The following KNDC1 variants were observed in gnomAD, a reference collection of about 807,000 sequenced individuals.
The protein encoded by KNDC1 is kinase non-catalytic C-lobe domain-containing protein 1.
A neutral mutation model predicts 172.8 loss-of-function variants in KNDC1; 106 were observed. The observed-to-expected ratio is 0.61, with a 90% CI of 0.52 to 0.72. KNDC1 has a LOEUF of 0.72. Ranked by LOEUF, KNDC1 falls within the 30% of genes least tolerant of loss-of-function variation. The pLI, the probability that KNDC1 is intolerant of heterozygous loss-of-function variation, is 0.00. For missense variants in KNDC1, 2,325 were observed against 2,394.5 expected (o/e 0.97, Z 0.61); for synonymous variants, 1,083 against 1,062.2 (o/e 1.02, Z -0.38).
Position 133,198,354 on chromosome 10 carries a change from A to T in KNDC1, c.1924A>T (p.Ser642Cys). The T allele has an allele frequency of 6.3e-7, 1 of 1,587,286 alleles. No homozygotes were observed. Among genetic ancestry groups the T allele is most frequent in the Non-Finnish European group, 8.6e-7 (1 of 1,167,816 alleles). The change falls in exon 13 of 30, where the codon AGC becomes TGC. Residue 642 changes from serine to cysteine, a missense_variant. Coordinates refer to ENST00000304613, the MANE Select transcript of KNDC1 (RefSeq NM_152643.8). ...EPSPGFLPVN[S>C]DTGLVAVPGP... ...CTCCCCAGGCTTCCTGCCGGTGAAC[A>T]GCGACACCGGGCTTGTGGCTGTGCC...
chr10:133,196,980 A>T, intron 10 of KNDC1, 78 bp from the exon 11 acceptor site: 1 of 1,180,394 alleles, frequency 8.5e-7, no homozygotes, highest in Non-Finnish European at 1.3e-6. Flanking sequence ...GCTTTTTCAG[A>T]TGGGGACCCA....
At chr10:133,167,143 C>T (rs939532609) in intron 1 of KNDC1, 2 of 559,816 alleles carry the variant, frequency 3.6e-6, no homozygotes, top group Admixed American at 3.1e-5. Flanking sequence ...CTCCAGGAGC[C>T]GACACCTGCT....
At position 133,167,544 on chromosome 10, in the gene KNDC1, C is replaced by A; in HGVS notation, c.266C>A (p.Thr89Asn). ...CITPDTLAFNTSGNVCFMEQL... is the reference protein window; with the variant it reads ...CITPDTLAFNNSGNVCFMEQL... ...ACGCCCGACACCCTGGCCTTCAACA[C>A]CAGCGGGAACGTGTGTTTCATGGAG... is the stretch of plus-strand genomic sequence containing the variant. Residue 89 changes from threonine to asparagine, a missense_variant, in exon 2 of 30, where the codon ACC (threonine) becomes AAC (asparagine). Transcript: ENST00000304613. 1 of 1,602,204 alleles carries A rather than the reference C, an allele frequency of 6.2e-7. No homozygotes were observed. The highest frequency in any genetic ancestry group is 8.5e-7 in the Non-Finnish European group (1 of 1,174,810).
Position 133,212,738 on chromosome 10 carries a change from G to A in KNDC1, c.4259G>A (p.Arg1420Gln), listed in dbSNP as rs1026659510. 45 of 1,613,092 alleles carry A rather than the reference G, an allele frequency of 2.8e-5. No homozygotes were observed. The highest frequency in any genetic ancestry group is 3.5e-5 in the Non-Finnish European group (41 of 1,179,768). The stretch of plus-strand genomic sequence containing the variant: ...CAGAGCTTCCCCTGGAGGCTGCCCC[G>A]AGGCAACGGGCTGGTGCTGCCGCCA... ...SRKSFPWRLP[R>Q]GNGLVLPPHK... The change falls in exon 24 of 30, where the codon CGA (arginine) becomes CAA (glutamine). Residue 1420 changes from arginine (R) to glutamine (Q), a missense_variant. Transcript: ENST00000304613.
At chr10:133,187,626 A>AGGGCACACGG (rs1313070618) in intron 6 of KNDC1, among the ~76,000 whole-genome samples, 1 of 152,120 alleles carries the variant, frequency 6.6e-6, no homozygotes, top group African/African-American at 2.4e-5. Flanking sequence ...ACCTTCCCGA[A>AGGGCACACGG]GGGCACACGG....
At chr10:133,177,821 G>A (rs1853590856) in intron 3 of KNDC1, among the ~76,000 whole-genome samples, 1 of 151,796 alleles carries the variant, frequency 6.6e-6, no homozygotes, top group South Asian at 2.1e-4. Context: ...GCATGTTTGT[G>A]GTGTAATGTG....
intron 5 of KNDC1, among the ~76,000 whole-genome samples, chr10:133,184,516 CTT>C (rs986910779): frequency 6.6e-6 from 1 of 152,280 alleles, no homozygotes; most frequent in Non-Finnish European, 1.5e-5. Context: ...CATATTCACT[CTT>C]GCTCACAGTC....
chr10:133,226,087 G>A lies in KNDC1; in HGVS notation c.*1197G>A, dbSNP rs752822130. On this transcript the variant is annotated 3_prime_UTR_variant, in exon 30 of 30. Coordinates refer to ENST00000304613, the MANE Select transcript of KNDC1 (RefSeq NM_152643.8). ...GGAAAACTGTGACCTGTGACAAATCGCTGCATTTTTAATGTCAAGATGTGT... is the reference window on the plus strand; with the variant it reads ...GGAAAACTGTGACCTGTGACAAATCACTGCATTTTTAATGTCAAGATGTGT... 7.9e-5 allele frequency: 12 copies of A among 152,244 alleles called. No homozygotes were observed. The highest frequency in any genetic ancestry group is 2.1e-4 in the South Asian group (1 of 4,832). The allele number at this position is 152,244 out of a possible 1,614,324, so 9.4% of individuals were successfully genotyped here.
chr10:133,168,115 G>A, intron 2 of KNDC1, 139 bp from the exon 3 acceptor site: 1 of 744,428 alleles, frequency 1.3e-6, no homozygotes, highest in Non-Finnish European at 2.4e-6. Context: ...CCTTTTTCAT[G>A]GCCTAAAATG....
intron 5 of KNDC1, among the ~76,000 whole-genome samples, chr10:133,184,198 G>GCACACCCATGCTGCA (rs1853815398): frequency 7.6e-6 from 1 of 132,416 alleles, no homozygotes; most frequent in Non-Finnish European, 1.6e-5. Flanking sequence ...CTATGCACAT[G>GCACACCCATGCTGCA]CACACCCATG....
chr10:133,224,908 G>C lies in KNDC1; in HGVS notation c.*18G>C. ...TCCAGTAGCCGAGCTCGGGCCTGGT[G>C]TGGAATTCCAGATCCGAATCCGACT... On this transcript the variant is annotated 3_prime_UTR_variant, in exon 30 of 30. Coordinates refer to ENST00000304613, the MANE Select transcript of KNDC1 (RefSeq NM_152643.8). This position sits in a 1 kb window ranked among gnomAD's most constrained non-coding sequence, Gnocchi z 5.4. 1 of 1,590,050 alleles carries C rather than the reference G, an allele frequency of 6.3e-7. No homozygotes were observed. Among genetic ancestry groups the C allele is most frequent in the Non-Finnish European group, 8.6e-7 (1 of 1,159,752 alleles).
intron 6 of KNDC1, among the ~76,000 whole-genome samples, chr10:133,188,125 G>T (rs149589019): frequency 6.6e-6 from 1 of 152,260 alleles, no homozygotes; most frequent in East Asian, 1.9e-4. Context: ...CCCTGCGTCC[G>T]TCCGTGGATG....
chr10:133,179,385 ATTC>A (rs1006022155), intron 3 of KNDC1: 9 of 152,272 alleles, frequency 5.9e-5, no homozygotes, highest in Non-Finnish European at 7.3e-5. Flanking sequence ...TGCAGCCGCA[ATTC>A]TTCTTTGAAC....
At chr10:133,177,234 T>C (rs556165145) in intron 3 of KNDC1, among the ~76,000 whole-genome samples, 29 of 152,088 alleles carry the variant, frequency 1.9e-4, no homozygotes, top group African/African-American at 6.0e-4. Flanking sequence ...TGTGTGCATA[T>C]GCATGCAATA....
rs755345809 is a variant in KNDC1 at position 133,186,058 on chromosome 10, C to T, written c.710C>T (p.Pro237Leu). ...CCGCCCGGGGACCCCAGCACTGACCCGGAGGTTCTGCCGACCCCCGAAGGC... is the reference window on the plus strand; with the variant it reads ...CCGCCCGGGGACCCCAGCACTGACCTGGAGGTTCTGCCGACCCCCGAAGGC... ...RRPPGDPSTD[P>L]EVLPTPEGPE... is the part of the protein sequence containing the mutation. The change falls in exon 6 of 30, where the codon CCG becomes CTG. Residue 237 changes from proline to leucine, a missense_variant. Physicochemically the swap from Pro to Leu is moderately conservative, Grantham distance 98. Coordinates refer to ENST00000304613, the MANE Select transcript of KNDC1 (RefSeq NM_152643.8). 15 of 1,599,972 alleles carry T rather than the reference C, an allele frequency of 9.4e-6. No homozygotes were observed. The highest frequency in any genetic ancestry group is 4.5e-5 in the East Asian group (2 of 44,330).
intron 5 of KNDC1, among the ~76,000 whole-genome samples, chr10:133,185,196 GC>G: frequency 6.6e-6 from 1 of 151,058 alleles, no homozygotes; most frequent in Non-Finnish European, 1.5e-5. Context: ...TGTGGAGTAG[GC>G]AGTGTGTGCA....
At position 133,166,342 on chromosome 10, in the gene KNDC1, C is replaced by T. The variant is rs529962731; in HGVS notation, c.103-1039C>T. On this transcript the variant is annotated intron_variant, in intron 1 of 29. Coordinates refer to ENST00000304613, the MANE Select transcript of KNDC1 (RefSeq NM_152643.8). ...GGGGTGCCCCGGCCGGGGAGCAGCA[C>T]ACCCAAGAGGGCCTTCAGCTCCATA... is the stretch of plus-strand genomic sequence containing the variant. Among the ~76,000 whole-genome samples, 108 of 152,350 alleles carry T rather than the reference C, an allele frequency of 7.1e-4. 1 individual carries two copies. The highest frequency in any genetic ancestry group is 3.4e-3 in the Middle Eastern group (1 of 294).
intron 26 of KNDC1, among the ~76,000 whole-genome samples, chr10:133,216,311 C>A (rs965856412): frequency 1.4e-5 from 2 of 147,958 alleles, no homozygotes; most frequent in African/African-American, 5.0e-5. Context: ...CTTGGTGGCA[C>A]CGTTTAGACG....
Position 133,166,698 on chromosome 10 carries a change from CTG to C in KNDC1, c.103-678_103-677del, listed in dbSNP as rs139578550. On this transcript the variant is annotated intron_variant, in intron 1 of 29. Transcript: ENST00000304613. The stretch of plus-strand genomic sequence containing the variant: ...GATGCATGTATGGGGATGCGTGTGT[CTG>C]TGTGAGGGTGAGCACGTGTGCTAGG... Among the ~76,000 whole-genome samples, 308 of 151,718 alleles carry C rather than the reference CTG, an allele frequency of 2.0e-3. 2 individuals carry two copies. The highest frequency in any genetic ancestry group is 6.8e-3 in the African/African-American group (283 of 41,342).
Sources: gnomAD v4.1 joint callset for allele counts (sites outside exome capture counted in the v4.1 genomes callset) on GRCh38, gnomAD v4.1.1 for gene constraint, Gnocchi (gnomAD v3.1) non-coding constraint, MANE v1.5 for transcripts, NCBI Gene and HGNC (gene_info 2026-07-23, HGNC 2026-07-21) for gene names.